The following HDAC4 variants were observed in gnomAD, a reference collection of about 807,000 sequenced individuals.
HDAC4 encodes histone deacetylase 4, also known as histone deacetylase A.
A neutral mutation model predicts 135.1 loss-of-function variants in HDAC4; 16 were observed. The observed-to-expected ratio is 0.12, with a 90% CI of 0.08 to 0.18. HDAC4 has a LOEUF of 0.18. Among genes scored for constraint, HDAC4 ranks in the 10% least tolerant of loss-of-function variants. The probability of loss-of-function intolerance (pLI) is 1.00; values close to 1 mark genes in which losing one functional copy is unlikely to be tolerated. For missense variants in HDAC4, 1,143 were observed against 1,511.8 expected, an observed-to-expected ratio of 0.76 and a Z score of 4.05; for synonymous variants, 685 against 653.4, an observed-to-expected ratio of 1.05 and a Z score of -0.74.
chr2:239,091,410 G>C (rs369228464), intron 17 of HDAC4: 1 of 152,270 alleles, frequency 6.6e-6, no homozygotes, highest in Admixed American at 6.5e-5. Context: ...CTTAGAAGCC[G>C]TGTCATAGGT....
In HDAC4 at chr2:239,307,594, C is replaced by T. The variant is rs1053225948; in HGVS notation, c.22+45084G>A. On this transcript the variant is annotated intron_variant, in intron 2 of 26. Coordinates refer to ENST00000543185, the MANE Select transcript of HDAC4 (RefSeq NM_001378414.1). This position sits in a 1 kb window ranked among gnomAD's most constrained non-coding sequence, Gnocchi z 4.8. ...CTGCTTCCTGGACCTCGCAGACTCA[C>T]CAGGGACCCTAAACTTGGTTTTCCA... Among the ~76,000 whole-genome samples, 3 of 152,278 alleles carry T rather than the reference C, an allele frequency of 2.0e-5. No individual in the cohort carries two copies. Among genetic ancestry groups the T allele is most frequent in the African/African-American group, 7.2e-5 (3 of 41,554 alleles).
chr2:239,340,018 C>G (rs985367023), intron 2 of HDAC4, among the ~76,000 whole-genome samples: 2 of 152,178 alleles, frequency 1.3e-5, no homozygotes, highest in Non-Finnish European at 2.9e-5. Flanking sequence ...GGCTGGGGGC[C>G]TGAACACAAA....
chr2:239,081,935 C>T (rs531650920), intron 21 of HDAC4, among the ~76,000 whole-genome samples, 167 bp downstream of exon 21: 20 of 152,342 alleles, frequency 1.3e-4, no homozygotes, highest in East Asian at 9.7e-4. Context: ...TGTGCACACG[C>T]GATACGATGC....
In HDAC4 at chr2:239,068,547, G is replaced by C. The variant is rs1195437180; in HGVS notation, c.2811C>G (p.Gly937=). The change falls in exon 23 of 27, where the codon GGC becomes GGG. Residue 937 remains glycine (G), a synonymous_variant. Coordinates refer to ENST00000543185, the MANE Select transcript of HDAC4 (RefSeq NM_001378414.1). The surrounding 1 kb of genome is among the most constrained non-coding windows in gnomAD (Gnocchi z 4.4). ...TGGGGTGGCCCTCCACGGCATCGAA[G>C]CCTGATGACACCAGCACCACATCCG... is the stretch of plus-strand genomic sequence containing the variant. The part of the protein sequence containing the change: ...FAPDVVLVSS[G]FDAVEGHPTP... The C allele has an allele frequency of 6.2e-7, 1 of 1,613,936 alleles. No individual in the cohort carries two copies. The highest frequency in any genetic ancestry group is 8.5e-7 in the Non-Finnish European group (1 of 1,180,032).
intron 1 of HDAC4, among the ~76,000 whole-genome samples, chr2:239,361,583 C>T (rs368844918): frequency 1.4e-4 from 22 of 152,190 alleles, no homozygotes; most frequent in African/African-American, 4.6e-4. Flanking sequence ...TAAGAACAAA[C>T]GATTCTACAG....
Position 239,155,168 on chromosome 2 carries a change from C to G in HDAC4, c.733+1484G>C, listed in dbSNP as rs1457696219. Among the ~76,000 whole-genome samples, 3 of 151,730 alleles carry G rather than the reference C, an allele frequency of 2.0e-5. No individual in the cohort carries two copies. The East Asian group carries it at 5.8e-4, about 30-fold the overall frequency. On this transcript the variant is annotated intron_variant, in intron 7 of 26. Transcript: ENST00000543185. ...GCCAGCCTGATATGACCCACTCCAC[C>G]TGGGACATGGCTGACCCAATACGGC...
rs962219668 is a variant in HDAC4, at chr2:239,313,492, A to G, written c.22+39186T>C. On this transcript the variant is annotated intron_variant, in intron 2 of 26. Transcript: ENST00000543185. This position sits in a 1 kb window ranked among gnomAD's most constrained non-coding sequence, Gnocchi z 5.1. ...CCATCCCACCGAGCACTGATACCGC[A>G]GGCTGGACTCTTCCTAACCTCACGA... Among the ~76,000 whole-genome samples, 7 of 152,008 alleles carry G rather than the reference A, an allele frequency of 4.6e-5. No homozygotes were observed. The highest frequency in any genetic ancestry group is 1.0e-4 in the Non-Finnish European group (7 of 68,008).
chr2:239,335,096 T>G (rs916627542), intron 2 of HDAC4, among the ~76,000 whole-genome samples: 13 of 150,780 alleles, frequency 8.6e-5, no homozygotes, highest in African/African-American at 3.2e-4. Context: ...CTTTGAAAAG[T>G]TTTAAAAAGT....
chr2:239,073,823 T>C (rs2034451490), intron 22 of HDAC4, among the ~76,000 whole-genome samples: 1 of 152,180 alleles, frequency 6.6e-6, no homozygotes, highest in African/African-American at 2.4e-5. Flanking sequence ...AGAGAATGCC[T>C]TGGAATCCAG....
intron 2 of HDAC4, among the ~76,000 whole-genome samples, chr2:239,290,939 G>T (rs2051451733): frequency 1.3e-5 from 2 of 152,162 alleles, no homozygotes; most frequent in Admixed American, 1.3e-4. Context: ...CAAGGGGTGG[G>T]GATTTTTCTT....
At chr2:239,128,260 T>C (rs2040330067) in intron 11 of HDAC4, among the ~76,000 whole-genome samples, 1 of 152,166 alleles carries the variant, frequency 6.6e-6, no homozygotes, top group Admixed American at 6.6e-5. Flanking sequence ...AAAGAAGGCA[T>C]TTCAGGCTGG....
intron 22 of HDAC4, among the ~76,000 whole-genome samples, chr2:239,070,424 A>C (rs920275538): frequency 4.0e-5 from 6 of 150,106 alleles, no homozygotes; most frequent in Non-Finnish European, 9.0e-5. Flanking sequence ...AGAACTTATC[A>C]GTCTTTAGTC....
chr2:239,081,953 C>T (rs767974527), intron 21 of HDAC4, 149 bp downstream of exon 21: 28 of 764,720 alleles, frequency 3.7e-5, no homozygotes, highest in Middle Eastern at 3.7e-4. Context: ...TGCAGGCTGA[C>T]GTCTGACTGA....
intron 2 of HDAC4, among the ~76,000 whole-genome samples, chr2:239,250,411 G>A (rs1559284790): frequency 6.6e-6 from 1 of 152,228 alleles, no homozygotes. Flanking sequence ...TGAAGGCTGT[G>A]AAAATGTGAC....
At chr2:239,354,433 G>A (rs1693356475) in intron 1 of HDAC4, among the ~76,000 whole-genome samples, 1 of 152,072 alleles carries the variant, frequency 6.6e-6, no homozygotes, top group Admixed American at 6.6e-5. Context: ...ACCCAAAAGA[G>A]ACAAGTCTCA....
chr2:239,136,801 A>G (rs763528945), intron 9 of HDAC4, among the ~76,000 whole-genome samples: 1 of 152,194 alleles, frequency 6.6e-6, no homozygotes, highest in Non-Finnish European at 1.5e-5. Flanking sequence ...CCTGACAAAC[A>G]CTTACACTCA....
intron 2 of HDAC4, among the ~76,000 whole-genome samples, chr2:239,265,784 C>G (rs942027193): frequency 6.6e-6 from 1 of 152,252 alleles, no homozygotes; most frequent in African/African-American, 2.4e-5. Flanking sequence ...TTGGAACTTC[C>G]AAACACCATT....
chr2:239,062,256 G>C (rs2032855741), intron 24 of HDAC4, among the ~76,000 whole-genome samples: 1 of 152,266 alleles, frequency 6.6e-6, no homozygotes, highest in South Asian at 2.1e-4. Context: ...GGGACGCCAA[G>C]GCCCCTCTGC....
intron 2 of HDAC4, among the ~76,000 whole-genome samples, chr2:239,266,654 C>G (rs935160627): frequency 3.3e-5 from 5 of 152,204 alleles, no homozygotes. Flanking sequence ...CTGCAGCTCA[C>G]AGCTCACATC....
Sources: gnomAD v4.1 joint callset for allele counts (sites outside exome capture counted in the v4.1 genomes callset) on GRCh38, gnomAD v4.1.1 for gene constraint, Gnocchi (gnomAD v3.1) non-coding constraint, MANE v1.5 for transcripts, NCBI Gene and HGNC (gene_info 2026-07-23, HGNC 2026-07-21) for gene names.